Variants in SLC36A1 observed in about 807,000 individuals in gnomAD.
The protein encoded by SLC36A1 is proton-coupled amino acid transporter 1.
A neutral mutation model predicts 47.5 loss-of-function variants in SLC36A1; 30 were observed. The observed-to-expected ratio is 0.63, with a 90% CI of 0.47 to 0.86. The LOEUF is 0.86. SLC36A1 is among the 40% of genes least tolerant of loss of function. The pLI is 0.00. For synonymous variants in SLC36A1, 255 were observed against 249.7 expected, an observed-to-expected ratio of 1.02 and a Z score of -0.20; for missense variants, 517 against 606.0, an observed-to-expected ratio of 0.85 and a Z score of 1.54.
chr5:151,513,469 T>C, the SLC36A1 span, among the ~76,000 whole-genome samples: 3 of 152,144 alleles, frequency 2.0e-5, no homozygotes, highest in African/African-American at 7.2e-5. Flanking sequence ...TGGCGGCCAT[T>C]ATCCTAAGCA....
the SLC36A1 span, chr5:151,540,686 G>A: frequency 3.0e-5 from 48 of 1,614,046 alleles, no homozygotes; most frequent in African/African-American, 8.0e-5. Flanking sequence ...GTATGCTCGC[G>A]GTCCAGGGTC....
At chr5:151,549,269 T>G in the SLC36A1 span, 3 of 1,607,770 alleles carry the variant, frequency 1.9e-6, no homozygotes, top group African/African-American at 4.0e-5. Context: ...TGACCCATCC[T>G]CTGAGCTCAT....
the SLC36A1 span, chr5:151,510,179 G>A: frequency 6.2e-7 from 1 of 1,613,912 alleles, no homozygotes; most frequent in Non-Finnish European, 8.5e-7. Context: ...CATAGCCTAG[G>A]AGAAAAAGAA....
rs1459654270 is a variant in SLC36A1, at chr5:151,484,716, C to T, written c.1160-3267C>T. ...AAGCATTTATTATTGGTTTTTAGAACGCTGAGTTCTTTACATGAGTGATAT... is the reference window on the plus strand; with the variant it reads ...AAGCATTTATTATTGGTTTTTAGAATGCTGAGTTCTTTACATGAGTGATAT... On this transcript the variant is annotated intron_variant, in intron 10 of 10. Coordinates refer to ENST00000243389, the MANE Select transcript of SLC36A1 (RefSeq NM_078483.4). Among the ~76,000 whole-genome samples, 9 of 152,152 alleles carry T rather than the reference C, an allele frequency of 5.9e-5. No homozygotes were observed. In the East Asian group the frequency reaches 1.2e-3, roughly 20 times the overall value.
At chr5:151,528,340 C>G in the SLC36A1 span, among the ~76,000 whole-genome samples, 17 of 152,316 alleles carry the variant, frequency 1.1e-4, 2 homozygotes, top group South Asian at 3.5e-3. Flanking sequence ...TCACCATTCA[C>G]TCTTGCTAAC....
At chr5:151,362,389 CTTTT>C in the SLC36A1 span, among the ~76,000 whole-genome samples, 2 of 109,012 alleles carry the variant, frequency 1.8e-5, no homozygotes, top group East Asian at 2.5e-4. Context: ...ATTGATTCTT[CTTTT>C]TTTTTTTTTT....
In SLC36A1 at chr5:151,472,170, G is replaced by T. The variant is rs184566096; in HGVS notation, c.724-1503G>T. ...CAATCACAGGTTTCCACAACAGGCC[G>T]TCTGCAGGCTGAGGAGCAAGGAAGC... On this transcript the variant is annotated intron_variant, in intron 7 of 10. Coordinates refer to ENST00000243389, the MANE Select transcript of SLC36A1 (RefSeq NM_078483.4). 1.8e-3 allele frequency among the ~76,000 whole-genome samples: 280 copies of T among 152,324 alleles called. 1 individual carries two copies. Among genetic ancestry groups the T allele is most frequent in the Middle Eastern group, 0.01 (3 of 294 alleles).
chr5:151,545,974 A>C, the SLC36A1 span: 5 of 1,614,148 alleles, frequency 3.1e-6, no homozygotes, highest in Non-Finnish European at 4.2e-6. Flanking sequence ...CTCATGGTCC[A>C]ATTTCTTCTG....
At chr5:151,398,347 C>T in the SLC36A1 span, among the ~76,000 whole-genome samples, 2 of 152,144 alleles carry the variant, frequency 1.3e-5, no homozygotes, top group Admixed American at 6.5e-5. Context: ...GGAAGAGCAC[C>T]ATCCCAATTT....
At chr5:151,467,390 CA>C (rs1161677609) in intron 6 of SLC36A1, 107 bp downstream of exon 6, 1 of 785,740 alleles carries the variant, frequency 1.3e-6, no homozygotes, top group Non-Finnish European at 2.0e-6. Flanking sequence ...CTTTTGTCAA[CA>C]AAAGAGTTAA....
the SLC36A1 span, among the ~76,000 whole-genome samples, chr5:151,423,798 A>C: frequency 6.6e-6 from 1 of 152,216 alleles, no homozygotes. Context: ...TTGGGTGATA[A>C]TGCTGTGTCA....
downstream of SLC36A1, among the ~76,000 whole-genome samples, chr5:151,493,967 A>G (rs991996097): frequency 2.6e-5 from 4 of 152,186 alleles, no homozygotes; most frequent in East Asian, 1.9e-4. Context: ...CCATCCATGC[A>G]CTGATGTCTT....
At chr5:151,367,342 G>T in the SLC36A1 span, among the ~76,000 whole-genome samples, 20 of 133,694 alleles carry the variant, frequency 1.5e-4, no homozygotes, top group Admixed American at 2.9e-4. Flanking sequence ...GCCATTTATA[G>T]ACCTCCCCCC....
chr5:151,488,408 A>T lies in SLC36A1; in HGVS notation c.*154A>T. ...GGCACCTGGATACCCTGGGCCAGGT[A>T]ACCTGAGGGCAGGGGAGAGGTGGGG... is the stretch of plus-strand genomic sequence containing the variant. On this transcript the variant is annotated 3_prime_UTR_variant, in exon 11 of 11. Coordinates refer to ENST00000243389, the MANE Select transcript of SLC36A1 (RefSeq NM_078483.4). 1.0e-6 allele frequency: 1 copy of T among 984,314 alleles called. No individual in the cohort carries two copies. The highest frequency in any genetic ancestry group is 1.5e-6 in the Non-Finnish European group (1 of 680,974). The allele number at this position is 984,314 out of a possible 1,614,324, so 61.0% of individuals were successfully genotyped here.
At chr5:151,356,205 G>A in the SLC36A1 span, among the ~76,000 whole-genome samples, 1 of 151,504 alleles carries the variant, frequency 6.6e-6, no homozygotes, top group African/African-American at 2.4e-5. Context: ...TGGGCATGGT[G>A]GCTCACACCT....
At chr5:151,347,387 T>C in the SLC36A1 span, 7 of 1,614,128 alleles carry the variant, frequency 4.3e-6, no homozygotes, top group African/African-American at 6.7e-5. Flanking sequence ...CTTGGCACTT[T>C]CAGGAGGCGA....
intron 1 of SLC36A1, among the ~76,000 whole-genome samples, chr5:151,455,606 T>G (rs779589360): frequency 2.0e-5 from 3 of 152,150 alleles, no homozygotes; most frequent in Non-Finnish European, 4.4e-5. Flanking sequence ...AATAAGTCCC[T>G]GTATTCCATC....
chr5:151,392,971 C>T, the SLC36A1 span, among the ~76,000 whole-genome samples: 74,882 of 151,312 alleles, frequency 0.49, 20,487 homozygotes, highest in African/African-American at 0.75. Context: ...AACTTTCTGT[C>T]TCATTGATCT....
At chr5:151,410,332 C>A in the SLC36A1 span, among the ~76,000 whole-genome samples, 1 of 134,516 alleles carries the variant, frequency 7.4e-6, no homozygotes, top group South Asian at 2.9e-4. Flanking sequence ...ACCTAGGCAT[C>A]TTTTTTTTTT....
Sources: allele counts gnomAD v4.1 joint callset (sites outside exome capture counted in the v4.1 genomes callset), GRCh38; gene constraint gnomAD v4.1.1; transcripts MANE v1.5; gene names NCBI Gene and HGNC (gene_info 2026-07-23, HGNC 2026-07-21).